The following BANK1 variants were observed in gnomAD, a reference collection of about 807,000 sequenced individuals.
BANK1 encodes the protein B cell scaffold protein with ankyrin repeats 1.
In BANK1, 95 loss-of-function variants were observed where a neutral mutation model predicts 94.5. That is an observed-to-expected ratio of 1.00 (90% CI 0.85 to 1.19). The LOEUF is 1.19. Ranked by LOEUF, BANK1 falls within the 50% of genes most tolerant of loss-of-function variation. The probability of loss-of-function intolerance (pLI) is 0.00; values close to 1 mark genes in which losing one functional copy is unlikely to be tolerated. For synonymous variants in BANK1, 334 were observed against 308.4 expected (o/e 1.08, Z -0.87); for missense variants, 987 against 932.2 (o/e 1.06, Z -0.77).
chr4:102,065,413 C>A (rs900117452), intron 13 of BANK1, among the ~76,000 whole-genome samples: 7 of 152,120 alleles, frequency 4.6e-5, no homozygotes, highest in African/African-American at 1.7e-4. Flanking sequence ...TAAGTCTATA[C>A]AAGTTCTTGA....
chr4:102,062,249 T>C (rs969268181), intron 12 of BANK1: 6 of 152,066 alleles, frequency 3.9e-5, no homozygotes, highest in Admixed American at 2.6e-4. Flanking sequence ...CCAGAATAAC[T>C]AAGAATCATG....
chr4:101,918,807 C>G (rs963317229), intron 7 of BANK1, among the ~76,000 whole-genome samples: 3 of 151,862 alleles, frequency 2.0e-5, no homozygotes, highest in Non-Finnish European at 4.4e-5. Flanking sequence ...ATCCTGTAAG[C>G]TTCTGGCTAT....
intron 2 of BANK1, among the ~76,000 whole-genome samples, chr4:101,836,180 T>A (rs572573974): frequency 6.6e-6 from 1 of 152,272 alleles, no homozygotes; most frequent in South Asian, 2.1e-4. Context: ...ACAAATGGAA[T>A]GTTGTTAACT....
At chr4:101,986,831 A>ATG (rs1267983636) in intron 7 of BANK1, among the ~76,000 whole-genome samples, 1 of 118,962 alleles carries the variant, frequency 8.4e-6, no homozygotes, top group African/African-American at 3.3e-5. Flanking sequence ...GTGTATATAT[A>ATG]TGTATATATA....
At chr4:102,065,155 A>C (rs1346974599) in intron 13 of BANK1, among the ~76,000 whole-genome samples, 2 of 152,296 alleles carry the variant, frequency 1.3e-5, no homozygotes, top group East Asian at 3.9e-4. Flanking sequence ...CAAATTAGGG[A>C]GATCTTAACA....
At chr4:102,017,500 T>C (rs951631363) in intron 7 of BANK1, among the ~76,000 whole-genome samples, 1 of 152,194 alleles carries the variant, frequency 6.6e-6, no homozygotes, top group Non-Finnish European at 1.5e-5. Context: ...TCAGCTGGAA[T>C]GTGGCCTCAG....
rs1354974948 is a variant in BANK1 at position 102,035,420 on chromosome 4, G to A, written c.1900+5155G>A. Among the ~76,000 whole-genome samples, 4 of 151,946 alleles carry A rather than the reference G, an allele frequency of 2.6e-5. No individual in the cohort carries two copies. The South Asian group carries it at 6.2e-4, about 24-fold the overall frequency. The stretch of plus-strand genomic sequence containing the variant: ...TCCCAGTACTTTGGGAGGCCGAGGC[G>A]GGCGGATCACGAGGTCAGGAGAGTG... On this transcript the variant is annotated intron_variant, in intron 10 of 16. Coordinates refer to ENST00000322953, the MANE Select transcript of BANK1 (RefSeq NM_017935.5).
At position 102,067,432 on chromosome 4, in the gene BANK1, CAGAT is replaced by C. The variant is rs573163335; in HGVS notation, c.2213-3836_2213-3833del. On this transcript the variant is annotated intron_variant, in intron 13 of 16. Transcript: ENST00000322953. ...AGACATATATTTTAGATATAAAACA[CAGAT>C]AGATAGTTTGAAAGTAAAGTATGGT... Among the ~76,000 whole-genome samples the C allele has an allele frequency of 1.8e-4, 28 of 151,950 alleles. 1 individual carries two copies. The highest frequency in any genetic ancestry group is 3.4e-3 in the Middle Eastern group (1 of 292).
intron 7 of BANK1, among the ~76,000 whole-genome samples, chr4:101,984,381 A>G (rs1725417932): frequency 2.0e-5 from 3 of 152,080 alleles, no homozygotes. Context: ...TATAGAAAAG[A>G]TAGCTAGCTT....
At chr4:102,003,932 TGTATATAC>T (rs1330753862) in intron 7 of BANK1, among the ~76,000 whole-genome samples, 1 of 151,452 alleles carries the variant, frequency 6.6e-6, no homozygotes, top group Non-Finnish European at 1.5e-5. Flanking sequence ...TATGTATATG[TGTATATAC>T]GTATATATAC....
intron 7 of BANK1, chr4:101,972,839 T>A (rs893741265): frequency 6.6e-6 from 1 of 152,176 alleles, no homozygotes; most frequent in Admixed American, 6.6e-5. Context: ...AGCAATGGAC[T>A]GATAATTACA....
intron 7 of BANK1, among the ~76,000 whole-genome samples, chr4:101,926,267 A>C (rs561552322): frequency 6.9e-4 from 104 of 151,794 alleles, no homozygotes; most frequent in African/African-American, 2.2e-3. Context: ...TCTGAGCCTC[A>C]ACAATATATT....
intron 7 of BANK1, among the ~76,000 whole-genome samples, chr4:102,016,780 A>C (rs969445190): frequency 6.6e-6 from 1 of 152,128 alleles, no homozygotes; most frequent in Non-Finnish European, 1.5e-5. Flanking sequence ...GTTTTCTTCT[A>C]ATATCCTTTT....
Position 101,864,525 on chromosome 4 carries a change from G to A in BANK1, c.763+1861G>A, listed in dbSNP as rs28463910. 6.1e-3 allele frequency among the ~76,000 whole-genome samples: 927 copies of A among 152,254 alleles called. 11 individuals are homozygous for A. The highest frequency in any genetic ancestry group is 0.02 in the African/African-American group (851 of 41,542). On this transcript the variant is annotated intron_variant, in intron 4 of 16. Transcript: ENST00000322953. ...GCTGAACCACTACAAAATCGACCAC[G>A]TTTCTTGAACCCATTAGAGAACTAA...
At chr4:101,833,596 A>C (rs906075861) in intron 2 of BANK1, among the ~76,000 whole-genome samples, 2 of 152,232 alleles carry the variant, frequency 1.3e-5, no homozygotes, top group African/African-American at 4.8e-5. Flanking sequence ...GCTCTTTTTT[A>C]AAATCTGCAG....
intron 1 of BANK1, among the ~76,000 whole-genome samples, chr4:101,823,910 TAGA>T (rs557908156): frequency 4.3e-4 from 66 of 152,322 alleles, no homozygotes; most frequent in African/African-American, 1.4e-3. Flanking sequence ...AAGAGTCCTG[TAGA>T]AGATTTGTAA....
At chr4:101,994,832 G>C (rs2148933571) in intron 7 of BANK1, among the ~76,000 whole-genome samples, 1 of 152,160 alleles carries the variant, frequency 6.6e-6, no homozygotes, top group Non-Finnish European at 1.5e-5. Context: ...AAGTTTCATG[G>C]GGTCACAGCT....
intron 5 of BANK1, among the ~76,000 whole-genome samples, chr4:101,872,029 C>G (rs1246983037): frequency 6.6e-6 from 1 of 151,836 alleles, no homozygotes. Context: ...TCATTTTTAC[C>G]CTCTGTACTG....
chr4:101,791,107 A>G lies in BANK1; in HGVS notation c.70+157A>G, dbSNP rs536172710. Among the ~76,000 whole-genome samples the G allele has an allele frequency of 6.6e-5, 10 of 152,284 alleles. No homozygotes were observed. In the South Asian group the frequency reaches 2.1e-3, roughly 32 times the overall value. On this transcript the variant is annotated intron_variant, in intron 1 of 16. Transcript: ENST00000322953. ...TTTTTATCCTGCCGCCAGGCAGCCC[A>G]GAGGGTTCTTCTGTCCCTGACTTCT...
Sources: gnomAD v4.1 joint callset for allele counts (sites outside exome capture counted in the v4.1 genomes callset) on GRCh38, gnomAD v4.1.1 for gene constraint, MANE v1.5 for transcripts, NCBI Gene and HGNC (gene_info 2026-07-23, HGNC 2026-07-21) for gene names.